DOK6: variants seen among roughly 807,000 people sequenced by gnomAD.
DOK6 encodes the protein downstream of tyrosine kinase 6.
In DOK6, 22 loss-of-function variants were observed where a neutral mutation model predicts 44.0. The observed-to-expected ratio is 0.50, with a 90% CI of 0.36 to 0.71. The LOEUF is 0.71. DOK6 is among the 30% of genes least tolerant of loss of function. DOK6 has a pLI of 0.00. For synonymous variants in DOK6, 166 were observed against 145.5 expected (o/e 1.14, Z -1.01); for missense variants, 340 against 416.4 (o/e 0.82, Z 1.60).
intron 1 of DOK6, among the ~76,000 whole-genome samples, chr18:69,533,590 A>G (rs1046892963): frequency 1.3e-5 from 2 of 152,174 alleles, no homozygotes; most frequent in African/African-American, 4.8e-5. Flanking sequence ...CTCAGATTAT[A>G]ATCTATAAAA....
chr18:69,445,709 T>A (rs572198211), intron 1 of DOK6, among the ~76,000 whole-genome samples: 1 of 152,256 alleles, frequency 6.6e-6, no homozygotes, highest in South Asian at 2.1e-4. Context: ...TAGTAGTATT[T>A]TTTGGAGAAT....
chr18:69,626,064 G>A (rs1258834480), intron 3 of DOK6, among the ~76,000 whole-genome samples: 1 of 152,134 alleles, frequency 6.6e-6, no homozygotes, highest in Non-Finnish European at 1.5e-5. Flanking sequence ...ATGACTGATA[G>A]CACTGCCAAT....
At chr18:69,550,287 T>C (rs1325702047) in intron 1 of DOK6, among the ~76,000 whole-genome samples, 1 of 152,100 alleles carries the variant, frequency 6.6e-6, no homozygotes, top group East Asian at 1.9e-4. Context: ...TATGAAAATG[T>C]TCCTGGAAAG....
intron 1 of DOK6, among the ~76,000 whole-genome samples, chr18:69,437,351 G>T (rs1249935850): frequency 2.0e-5 from 3 of 152,074 alleles, no homozygotes; most frequent in African/African-American, 7.2e-5. Context: ...TAAGAAAGGG[G>T]TCCAGTTTCA....
chr18:69,705,552 T>G (rs1476767307), intron 5 of DOK6, among the ~76,000 whole-genome samples: 1 of 152,190 alleles, frequency 6.6e-6, no homozygotes, highest in Admixed American at 6.5e-5. Flanking sequence ...ATGGGTATCC[T>G]ACCCTTGAGC....
At chr18:69,493,684 T>C (rs1463423865) in intron 1 of DOK6, among the ~76,000 whole-genome samples, 1 of 152,208 alleles carries the variant, frequency 6.6e-6, no homozygotes, top group Non-Finnish European at 1.5e-5. Flanking sequence ...AAATCAGCTA[T>C]ATATAAGAAT....
intron 3 of DOK6, among the ~76,000 whole-genome samples, chr18:69,601,542 G>A (rs547550034): frequency 8.3e-4 from 126 of 152,266 alleles, no homozygotes; most frequent in South Asian, 1.2e-3. Flanking sequence ...GTGTTCAGAC[G>A]GGAAGTGTGA....
intron 1 of DOK6, among the ~76,000 whole-genome samples, chr18:69,468,808 C>A (rs1404983033): frequency 6.6e-6 from 1 of 152,086 alleles, no homozygotes; most frequent in Non-Finnish European, 1.5e-5. Context: ...GCAAGATGGA[C>A]TAGAGCAGAA....
At chr18:69,709,911 T>G (rs912121574) in intron 5 of DOK6, among the ~76,000 whole-genome samples, 5 of 152,222 alleles carry the variant, frequency 3.3e-5, no homozygotes, top group Non-Finnish European at 7.3e-5. Context: ...GCACCACTGC[T>G]CAAGCCTACA....
intron 1 of DOK6, among the ~76,000 whole-genome samples, chr18:69,411,559 C>A (rs765184296): frequency 2.6e-5 from 4 of 152,108 alleles, no homozygotes; most frequent in African/African-American, 9.7e-5. Context: ...ATCCATCTGG[C>A]AGTCTTATTT....
intron 1 of DOK6, among the ~76,000 whole-genome samples, chr18:69,440,782 C>A (rs936349903): frequency 6.6e-6 from 1 of 150,920 alleles, no homozygotes; most frequent in Admixed American, 6.6e-5. Context: ...ACACACATTT[C>A]TTTGACTATG....
chr18:69,513,750 T>C (rs1191533645), intron 1 of DOK6, among the ~76,000 whole-genome samples: 2 of 152,212 alleles, frequency 1.3e-5, no homozygotes, highest in African/African-American at 4.8e-5. Flanking sequence ...CTAAATTGCT[T>C]AGCAGTGAAT....
intron 5 of DOK6, chr18:69,725,018 T>C (rs541038464): frequency 1.9e-4 from 29 of 152,330 alleles, no homozygotes; most frequent in Admixed American, 6.5e-4. Flanking sequence ...ACTCTTTCTG[T>C]ATAAATACTT....
chr18:69,651,591 C>A (rs1306464858), intron 3 of DOK6, among the ~76,000 whole-genome samples: 1 of 150,424 alleles, frequency 6.6e-6, no homozygotes. Flanking sequence ...CGGGTTCAAG[C>A]GAATCTCCTG....
chr18:69,426,647 A>G (rs1286513003), intron 1 of DOK6, among the ~76,000 whole-genome samples: 2 of 152,212 alleles, frequency 1.3e-5, no homozygotes, highest in African/African-American at 4.8e-5. Context: ...TTCAATCAAT[A>G]CAGTGAAGTG....
intron 1 of DOK6, among the ~76,000 whole-genome samples, chr18:69,539,510 C>G (rs1203548264): frequency 1.3e-5 from 2 of 148,598 alleles, no homozygotes; most frequent in African/African-American, 4.9e-5. Context: ...CCTGCCTTAG[C>G]CTCCAAAGTA....
At chr18:69,811,631 G>T (rs1981241636) in intron 7 of DOK6, among the ~76,000 whole-genome samples, 1 of 147,010 alleles carries the variant, frequency 6.8e-6, no homozygotes, top group African/African-American at 2.6e-5. Context: ...AACTAAAAGT[G>T]AATTAACTTT....
At chr18:69,643,954 C>T (rs1419252727) in intron 3 of DOK6, among the ~76,000 whole-genome samples, 14 of 152,214 alleles carry the variant, frequency 9.2e-5, no homozygotes, top group East Asian at 5.8e-4. Context: ...CGGATAGGTG[C>T]GTAGTGACAT....
intron 1 of DOK6, among the ~76,000 whole-genome samples, chr18:69,403,993 A>G (rs1210496118): frequency 6.6e-6 from 1 of 152,256 alleles, no homozygotes. Context: ...ATTTCAAAAT[A>G]TAAATAATTA....
Sources: allele counts gnomAD v4.1 joint callset (sites outside exome capture counted in the v4.1 genomes callset), GRCh38; gene constraint gnomAD v4.1.1; transcripts MANE v1.5; gene names NCBI Gene and HGNC (gene_info 2026-07-23, HGNC 2026-07-21).